MYH11: variants seen among roughly 807,000 people sequenced by gnomAD.
MYH11 encodes myosin-11.
In MYH11, 80 loss-of-function variants were observed where a neutral mutation model predicts 246.6. The ratio of observed to expected loss-of-function variants is 0.32; its 90% CI spans 0.27 to 0.39. The LOEUF (loss-of-function observed/expected upper bound fraction) is 0.39. MYH11 is among the 10% of genes least tolerant of loss of function. MYH11 has a pLI of 1.00. For synonymous variants in MYH11, 1,071 were observed against 1,015.5 expected (o/e 1.05, Z -1.04); for missense variants, 2,158 against 2,546.8 (o/e 0.85, Z 3.29).
At chr16:15,743,572 T>C (rs563995478) in intron 20 of MYH11, among the ~76,000 whole-genome samples, 2 of 152,308 alleles carry the variant, frequency 1.3e-5, no homozygotes, top group Admixed American at 6.5e-5. Context: ...TCCTAACTCT[T>C]TGTTTTCAAG....
At chr16:15,729,624 C>T (rs940890243) in intron 27 of MYH11, among the ~76,000 whole-genome samples, 12 of 151,382 alleles carry the variant, frequency 7.9e-5, no homozygotes, top group Admixed American at 7.9e-4. Flanking sequence ...AATCTTGGCT[C>T]ACTGCAACCT....
chr16:15,777,090 T>TACACACGCACACATACAC (rs2042237716), intron 7 of MYH11, among the ~76,000 whole-genome samples: 1 of 133,202 alleles, frequency 7.5e-6, no homozygotes, highest in South Asian at 2.3e-4. Flanking sequence ...TACATGGGTA[T>TACACACGCACACATACAC]ACACACGCAC....
chr16:15,834,899 G>T (rs1189728098), intron 2 of MYH11, among the ~76,000 whole-genome samples: 1 of 141,786 alleles, frequency 7.1e-6, no homozygotes, highest in Non-Finnish European at 1.5e-5. Flanking sequence ...TGAGATCCCA[G>T]TCTCTACAGA....
At chr16:15,767,627 G>A (rs777478742) in intron 9 of MYH11, among the ~76,000 whole-genome samples, 7 of 151,994 alleles carry the variant, frequency 4.6e-5, no homozygotes, top group South Asian at 4.2e-4. Context: ...CAGCCTGAAC[G>A]TGGCCTATTT....
chr16:15,826,142 G>GTTCATTCA lies in MYH11; in HGVS notation c.346-2739_346-2732dup, dbSNP rs112786889. Among the ~76,000 whole-genome samples, 760 of 151,028 alleles carry GTTCATTCA rather than the reference G, an allele frequency of 5.0e-3. 4 individuals are homozygous for GTTCATTCA. The highest frequency in any genetic ancestry group is 0.013 in the African/African-American group (522 of 41,170). ...CAGAAACAGAAACTACTGATCGTTC[G>GTTCATTCA]TTCATTCATTCATTCATTCATTCAT... is the stretch of plus-strand genomic sequence containing the variant. On this transcript the variant is annotated intron_variant, in intron 2 of 40. Coordinates refer to ENST00000300036, the MANE Select transcript of MYH11 (RefSeq NM_002474.3).
intron 3 of MYH11, among the ~76,000 whole-genome samples, chr16:15,819,758 C>T (rs895145682): frequency 2.0e-5 from 3 of 152,186 alleles, no homozygotes; most frequent in African/African-American, 2.4e-5. Flanking sequence ...CCATCTCTCC[C>T]CTGCGGTCCA....
At chr16:15,745,523 A>C (rs937367455) in intron 19 of MYH11, among the ~76,000 whole-genome samples, 1 of 150,970 alleles carries the variant, frequency 6.6e-6, no homozygotes, top group African/African-American at 2.4e-5. Context: ...TATGTGCATC[A>C]TTCCTAAGGG....
chr16:15,737,712 A>G, intron 24 of MYH11, 92 bp from the exon 25 acceptor site: 2 of 1,380,964 alleles, frequency 1.4e-6, no homozygotes, highest in Non-Finnish European at 2.0e-6. Flanking sequence ...CCCGGAGGAG[A>G]TGAACACATC....
chr16:15,844,048 C>A (rs1220838394), intron 1 of MYH11, among the ~76,000 whole-genome samples: 1 of 152,122 alleles, frequency 6.6e-6, no homozygotes, highest in Non-Finnish European at 1.5e-5. Flanking sequence ...TACATGCCTG[C>A]AGATGGGCCA....
At chr16:15,761,704 G>T (rs1265523391) in intron 10 of MYH11, among the ~76,000 whole-genome samples, 1 of 152,012 alleles carries the variant, frequency 6.6e-6, no homozygotes. Flanking sequence ...AGTGATTTTA[G>T]GATTTTTTTT....
At chr16:15,764,048 A>C (rs904781915) in intron 9 of MYH11, among the ~76,000 whole-genome samples, 157 bp from the exon 10 acceptor site, 1 of 152,160 alleles carries the variant, frequency 6.6e-6, no homozygotes, top group African/African-American at 2.4e-5. Flanking sequence ...GGTTGCTTAA[A>C]ACCTTGCATT....
At chr16:15,828,890 A>G (rs1373830953) in intron 2 of MYH11, among the ~76,000 whole-genome samples, 1 of 151,824 alleles carries the variant, frequency 6.6e-6, no homozygotes, top group Non-Finnish European at 1.5e-5. Context: ...GAATTTTTAA[A>G]AAGAAGGAAG....
intron 4 of MYH11, among the ~76,000 whole-genome samples, chr16:15,787,254 A>G (rs1269925415): frequency 6.6e-6 from 1 of 151,842 alleles, no homozygotes; most frequent in Admixed American, 6.6e-5. Flanking sequence ...AAAAAATAAG[A>G]AAAATTAACC....
At chr16:15,775,941 C>A in intron 8 of MYH11, 137 bp downstream of exon 8, 1 of 757,194 alleles carries the variant, frequency 1.3e-6, no homozygotes, top group Non-Finnish European at 2.4e-6. Context: ...AGATGAAGAA[C>A]TGTTCATATG....
Position 15,762,742 on chromosome 16 carries a change from G to C in MYH11, c.1129+1054C>G, listed in dbSNP as rs144288630. Reference sequence around the variant, plus strand: ...TTGATTTGAGTAATAATAAAACTCTGTTCTCCCATGCAGCCGGCTCTGCGT... The same window carrying C: ...TTGATTTGAGTAATAATAAAACTCTCTTCTCCCATGCAGCCGGCTCTGCGT... On this transcript the variant is annotated intron_variant, in intron 10 of 40. Coordinates refer to ENST00000300036, the MANE Select transcript of MYH11 (RefSeq NM_002474.3). 3.9e-5 allele frequency among the ~76,000 whole-genome samples: 6 copies of C among 152,254 alleles called. No individual in the cohort carries two copies. The South Asian group carries it at 1.2e-3, about 32-fold the overall frequency.
chr16:15,837,911 T>A lies in MYH11; in HGVS notation c.342A>T (p.Ile114=), dbSNP rs746783926. 26 of 1,613,672 alleles carry A rather than the reference T, an allele frequency of 1.6e-5. No individual in the cohort carries two copies. The highest frequency in any genetic ancestry group is 2.0e-5 in the Non-Finnish European group (24 of 1,179,744). ...CCTGGCTGCCTGCAATACTCACATA[T>A]ATTAGCCCTGAGAAGTACCGCTCCC... ...NLRERYFSGL[I]YTYSGLFCVV... is the part of the protein sequence containing the mutation. The change falls in exon 2 of 41, where the codon ATA becomes ATT. Residue 114 remains isoleucine (I), a synonymous_variant. Transcript: ENST00000300036.
intron 19 of MYH11, 42 bp downstream of exon 19, chr16:15,747,528 G>A: frequency 6.2e-7 from 1 of 1,613,384 alleles, no homozygotes; most frequent in Non-Finnish European, 8.5e-7. Context: ...CCCTGTTTGT[G>A]ATTCGCGTTT....
chr16:15,723,407 G>T (rs1281239867), intron 31 of MYH11, among the ~76,000 whole-genome samples: 1 of 152,194 alleles, frequency 6.6e-6, no homozygotes, highest in Admixed American at 6.5e-5. Context: ...AGCACTTTGG[G>T]AGGCCAAGGC....
intron 36 of MYH11, chr16:15,718,818 C>T (rs1227560846): frequency 7.3e-6 from 3 of 409,862 alleles, no homozygotes; most frequent in African/African-American, 4.0e-5. Flanking sequence ...GACGCTTCGT[C>T]AGCAGCAGCA....
Sources: gnomAD v4.1 joint callset for allele counts (sites outside exome capture counted in the v4.1 genomes callset) on GRCh38, gnomAD v4.1.1 for gene constraint, MANE v1.5 for transcripts, NCBI Gene and HGNC (gene_info 2026-07-23, HGNC 2026-07-21) for gene names.